Variants in TEK observed in about 807,000 individuals in gnomAD.
TEK encodes TEK receptor tyrosine kinase.
Under a neutral mutation model 131.8 loss-of-function variants are expected in TEK, and 43 were observed. That is an observed-to-expected ratio of 0.33 (90% confidence interval 0.26 to 0.42). The LOEUF is 0.42. Among genes scored for constraint, TEK ranks in the 10% least tolerant of loss-of-function variants. The pLI is 1.00. For synonymous variants in TEK, 580 were observed against 491.6 expected, an observed-to-expected ratio of 1.18 and a Z score of -2.38; for missense variants, 1,162 against 1,384.4, an observed-to-expected ratio of 0.84 and a Z score of 2.55.
intron 18 of TEK, among the ~76,000 whole-genome samples, chr9:27,217,135 C>A (rs962606922): frequency 1.3e-5 from 2 of 152,188 alleles, no homozygotes; most frequent in Non-Finnish European, 2.9e-5. Flanking sequence ...AGCTACAAAT[C>A]AGCTCAATCT....
chr9:27,120,174 G>C (rs1187511492), intron 1 of TEK, among the ~76,000 whole-genome samples: 2 of 152,182 alleles, frequency 1.3e-5, no homozygotes, highest in Non-Finnish European at 2.9e-5. Context: ...GTCTTTGCCT[G>C]CCTCACCAGC....
rs1254421094 is a variant in TEK at position 27,109,436 on chromosome 9, C to T, written c.-155C>T. On this transcript the variant is annotated 5_prime_UTR_variant, in exon 1 of 23. The change creates a premature stop within an existing upstream ORF in the 5' untranslated region. Coordinates refer to ENST00000380036, the MANE Select transcript of TEK (RefSeq NM_000459.5). The stretch of plus-strand genomic sequence containing the variant: ...TGCTCAGACAGAAATGAGACTGTTA[C>T]AGCCTGCTTCTGTGCTGTTCCTTCT... 6 of 778,080 alleles carry T rather than the reference C, an allele frequency of 7.7e-6. No individual in the cohort carries two copies. The highest frequency in any genetic ancestry group is 1.4e-5 in the Non-Finnish European group (6 of 437,462). The allele number at this position is 778,080 out of a possible 1,614,324, so 48.2% of individuals were successfully genotyped here.
At chr9:27,139,999 G>A (rs2131083275) in intron 1 of TEK, among the ~76,000 whole-genome samples, 1 of 152,238 alleles carries the variant, frequency 6.6e-6, no homozygotes, top group Middle Eastern at 3.4e-3. Context: ...AGACTTCCCA[G>A]TAATTTAGCA....
intron 6 of TEK, among the ~76,000 whole-genome samples, chr9:27,178,662 A>C (rs1824255731): frequency 6.6e-6 from 1 of 152,166 alleles, no homozygotes; most frequent in South Asian, 2.1e-4. Context: ...TTTGGTTAGA[A>C]GCCTTCTAGT....
At chr9:27,110,793 G>A (rs903146846) in intron 1 of TEK, among the ~76,000 whole-genome samples, 1 of 152,162 alleles carries the variant, frequency 6.6e-6, no homozygotes, top group African/African-American at 2.4e-5. Context: ...TTAAGAATGT[G>A]TAACACAAGT....
chr9:27,116,947 C>T (rs1481786100), intron 1 of TEK, among the ~76,000 whole-genome samples: 1 of 150,812 alleles, frequency 6.6e-6, no homozygotes, highest in African/African-American at 2.4e-5. Flanking sequence ...CTGCAAGCTC[C>T]GCTTCCCAGG....
rs143058954 is a variant in TEK at position 27,168,544 on chromosome 9, C to T, written c.414C>T (p.Asn138=). ...TLTMTVDKGD[N]VNISFKKVLI... is the part of the protein sequence containing the mutation. Reference sequence around the variant, plus strand: ...CTATGACTGTGGACAAGGGAGATAACGTGAACATATCTTTCAAAAAGGTAT... The same window carrying T: ...CTATGACTGTGGACAAGGGAGATAATGTGAACATATCTTTCAAAAAGGTAT... Residue 138 remains asparagine, a synonymous_variant, in exon 3 of 23, where the codon AAC becomes AAT. Coordinates refer to ENST00000380036, the MANE Select transcript of TEK (RefSeq NM_000459.5). 4.3e-5 allele frequency: 70 copies of T among 1,613,788 alleles called. No individual in the cohort carries two copies. The highest frequency in any genetic ancestry group is 2.5e-4 in the African/African-American group (19 of 74,898).
chr9:27,219,997 G>A, intron 20 of TEK, 52 bp from the exon 21 acceptor site: 1 of 1,571,910 alleles, frequency 6.4e-7, no homozygotes, highest in African/African-American at 1.4e-5. Flanking sequence ...TGGACAGGAA[G>A]CATTGCTTTT....
intron 21 of TEK, among the ~76,000 whole-genome samples, chr9:27,221,183 C>G (rs556713853): frequency 1.3e-4 from 20 of 152,268 alleles, no homozygotes; most frequent in Admixed American, 2.6e-4. Context: ...AGCCCACCGC[C>G]GCTCCTCAAA....
intron 1 of TEK, among the ~76,000 whole-genome samples, chr9:27,127,535 A>G (rs1564043026): frequency 6.6e-6 from 1 of 152,224 alleles, no homozygotes; most frequent in Non-Finnish European, 1.5e-5. Flanking sequence ...TTCTAGTTCT[A>G]GATCCTTGAG....
At chr9:27,122,334 A>G (rs368201824) in intron 1 of TEK, among the ~76,000 whole-genome samples, 1 of 152,154 alleles carries the variant, frequency 6.6e-6, no homozygotes, top group Admixed American at 6.6e-5. Context: ...CAGGAGGGTG[A>G]CATTTGAGAA....
At chr9:27,122,850 G>A (rs1046092265) in intron 1 of TEK, among the ~76,000 whole-genome samples, 4 of 151,564 alleles carry the variant, frequency 2.6e-5, no homozygotes, top group Non-Finnish European at 4.4e-5. Flanking sequence ...TCAGGAGATC[G>A]AGACCATCCT....
At chr9:27,180,191 C>T (rs1824311009) in intron 6 of TEK, 49 bp from the exon 7 acceptor site, 1 of 1,612,112 alleles carries the variant, frequency 6.2e-7, no homozygotes, top group Non-Finnish European at 8.5e-7. Flanking sequence ...GTCTTAGTTT[C>T]CTCTCTTCCC....
At chr9:27,154,542 C>G (rs73643156) in intron 1 of TEK, among the ~76,000 whole-genome samples, 1 of 152,172 alleles carries the variant, frequency 6.6e-6, no homozygotes, top group Admixed American at 6.5e-5. Context: ...CCAGTTCCCC[C>G]GAATAGGTCA....
chr9:27,207,988 AG>A, intron 15 of TEK, among the ~76,000 whole-genome samples: 1 of 152,144 alleles, frequency 6.6e-6, no homozygotes, highest in East Asian at 1.9e-4. Context: ...GTGAGAGGAG[AG>A]GGGTGTAGAA....
At chr9:27,201,261 A>G (rs564398797) in intron 12 of TEK, among the ~76,000 whole-genome samples, 1 of 152,326 alleles carries the variant, frequency 6.6e-6, no homozygotes, top group South Asian at 2.1e-4. Context: ...GTAGATGCAA[A>G]TTTATGATTT....
chr9:27,155,693 C>T (rs1587528140), intron 1 of TEK, among the ~76,000 whole-genome samples: 1 of 152,270 alleles, frequency 6.6e-6, no homozygotes, highest in Middle Eastern at 3.4e-3. Context: ...TCATTGGTCA[C>T]TTTTCTTTGG....
intron 7 of TEK, 75 bp from the exon 8 acceptor site, chr9:27,183,384 T>C: frequency 2.6e-6 from 4 of 1,518,218 alleles, no homozygotes; most frequent in East Asian, 2.3e-5. Flanking sequence ...CTTACTAAAG[T>C]AGCTATTTTT....
chr9:27,127,012 A>T (rs1822013284), intron 1 of TEK, among the ~76,000 whole-genome samples: 2 of 152,180 alleles, frequency 1.3e-5, no homozygotes, highest in South Asian at 4.1e-4. Flanking sequence ...TCTGGGGTAC[A>T]TTTTGAGCAG....
Sources: allele counts gnomAD v4.1 joint callset (sites outside exome capture counted in the v4.1 genomes callset), GRCh38; gene constraint gnomAD v4.1.1; transcripts MANE v1.5; gene names NCBI Gene and HGNC (gene_info 2026-07-23, HGNC 2026-07-21).